Variants in SPATA21 observed in about 807,000 individuals in gnomAD.
The protein encoded by SPATA21 is spermatogenesis-associated protein 21.
SPATA21 carries 47 observed loss-of-function variants against 54.8 expected under a neutral mutation model. The observed-to-expected ratio is 0.86, with a 90% CI of 0.68 to 1.09. SPATA21 has a LOEUF of 1.09. Among genes scored for constraint, SPATA21 ranks in the 50% least tolerant of loss-of-function variants. SPATA21 has a pLI of 0.00. For synonymous variants in SPATA21, 245 were observed against 235.3 expected, an observed-to-expected ratio of 1.04 and a Z score of -0.38; for missense variants, 599 against 596.4, an observed-to-expected ratio of 1.00 and a Z score of -0.05.
chr1:16,429,477 T>C (rs2086403945), intron 3 of SPATA21, among the ~76,000 whole-genome samples: 1 of 151,838 alleles, frequency 6.6e-6, no homozygotes, highest in Non-Finnish European at 1.5e-5. Context: ...TTTGTTTGTT[T>C]GTTTATTTAT....
At chr1:16,424,266 T>C (rs2086259845) in intron 3 of SPATA21, among the ~76,000 whole-genome samples, 1 of 124,666 alleles carries the variant, frequency 8.0e-6, no homozygotes. Context: ...TGAGCCGAGA[T>C]TGCGCCACTG....
intron 3 of SPATA21, among the ~76,000 whole-genome samples, chr1:16,429,524 G>A (rs1371730052): frequency 2.0e-5 from 3 of 151,950 alleles, no homozygotes; most frequent in Non-Finnish European, 2.9e-5. Flanking sequence ...GCCCAGGCTG[G>A]AGTGCAATGG....
chr1:16,428,617 C>T lies in SPATA21; in HGVS notation c.34+2721G>A, dbSNP rs12024650. Among the ~76,000 whole-genome samples the T allele has an allele frequency of 6.6e-6, 1 of 151,822 alleles. No homozygotes were observed. Among genetic ancestry groups the T allele is most frequent in the East Asian group, 1.9e-4 (1 of 5,150 alleles). ...TCTCGAACTTCTGACCTCAAGTGAT[C>T]CGTCTGCCTCAGCCTCCCAAAGTGC... is the stretch of plus-strand genomic sequence containing the variant. On this transcript the variant is annotated intron_variant, in intron 3 of 12. Coordinates refer to ENST00000335496, the MANE Select transcript of SPATA21 (RefSeq NM_198546.1). The surrounding 1 kb of genome is among the most constrained non-coding windows in gnomAD (Gnocchi z 4.3).
In SPATA21 at chr1:16,415,477, C is replaced by T. The variant is rs77268970; in HGVS notation, c.145-5434G>A. Among the ~76,000 whole-genome samples the T allele has an allele frequency of 9.5e-3, 1,444 of 152,292 alleles. 16 individuals are homozygous for T. The highest frequency in any genetic ancestry group is 0.033 in the African/African-American group (1,385 of 41,572). ...TGGGGACTACAGGGCTTCCAAAGTCCGGGGCCTCTGCCCCTGTTGCAGATA... is the reference window on the plus strand; with the variant it reads ...TGGGGACTACAGGGCTTCCAAAGTCTGGGGCCTCTGCCCCTGTTGCAGATA... On this transcript the variant is annotated intron_variant, in intron 5 of 12. Coordinates refer to ENST00000335496, the MANE Select transcript of SPATA21 (RefSeq NM_198546.1).
At chr1:16,405,848 G>C (rs2085624375) in intron 7 of SPATA21, among the ~76,000 whole-genome samples, 1 of 152,194 alleles carries the variant, frequency 6.6e-6, no homozygotes, top group South Asian at 2.1e-4. Context: ...TCTAGGGACA[G>C]ACTTAGTCAG....
chr1:16,435,616 C>T (rs530266492), intron 1 of SPATA21, among the ~76,000 whole-genome samples: 3 of 150,228 alleles, frequency 2.0e-5, no homozygotes, highest in Non-Finnish European at 4.5e-5. Flanking sequence ...CATGCCCGGC[C>T]CCCCCCTTTT....
chr1:16,431,287 T>C (rs1427383650), intron 3 of SPATA21, 51 bp downstream of exon 3: 2 of 1,614,026 alleles, frequency 1.2e-6, no homozygotes, highest in Non-Finnish European at 1.7e-6. Context: ...GCCCTCTTTA[T>C]GGTGATCCTC....
intron 5 of SPATA21, among the ~76,000 whole-genome samples, chr1:16,414,252 A>G (rs925546890): frequency 6.6e-6 from 1 of 151,892 alleles, no homozygotes; most frequent in African/African-American, 2.4e-5. Flanking sequence ...TATTTTTAGT[A>G]GAGACAGGGT....
At chr1:16,399,642 A>G (rs2085382687) in intron 11 of SPATA21, 121 bp from the exon 12 acceptor site, 4 of 1,115,222 alleles carry the variant, frequency 3.6e-6, no homozygotes, top group South Asian at 1.6e-5. Flanking sequence ...GGGGCAAGTC[A>G]CTTAACCTCT....
Position 16,404,996 on chromosome 1 carries a change from T to A in SPATA21, c.782A>T (p.Glu261Val). The A allele has an allele frequency of 4.4e-6, 7 of 1,605,954 alleles. No homozygotes were observed. Among genetic ancestry groups the A allele is most frequent in the Non-Finnish European group, 5.9e-6 (7 of 1,177,734 alleles). ...GACATCAGCACTCATCAGGGCGTCC[T>A]CCACCTGGGCCAGCGTCACAGAGAA... is the stretch of plus-strand genomic sequence containing the variant. ...MGFSVTLAQV[E>V]DALMSADVNG... The change falls in exon 8 of 13, where the codon GAG becomes GTG. Residue 261 changes from glutamate to valine, a missense_variant. Glu to Val is a moderately radical substitution (Grantham distance 121). Coordinates refer to ENST00000335496, the MANE Select transcript of SPATA21 (RefSeq NM_198546.1).
chr1:16,436,270 C>T (rs61769443), intron 1 of SPATA21, among the ~76,000 whole-genome samples: 1 of 151,698 alleles, frequency 6.6e-6, no homozygotes, highest in South Asian at 2.1e-4. Context: ...CCTGTAATCC[C>T]AGCTAGTCAG....
At position 16,405,096 on chromosome 1, in the gene SPATA21, T is replaced by C. The variant is rs147333700; in HGVS notation, c.682A>G (p.Ser228Gly). ...LTLKQEEAFR[S>G]YFEIFNGPGE... ...GGACCATTGAAGATCTCAAAGTAGC[T>C]GCGGAAGGCTGTGGGGAGGGCAGGG... Residue 228 changes from serine to glycine, a missense_variant, in exon 8 of 13, where the codon AGC (serine) becomes GGC (glycine). By Grantham distance (56) the Ser-to-Gly change is moderately conservative. Transcript: ENST00000335496. 38 of 1,609,192 alleles carry C rather than the reference T, an allele frequency of 2.4e-5. No individual in the cohort carries two copies. In the African/African-American group the frequency reaches 4.1e-4, roughly 18 times the overall value.
Position 16,412,128 on chromosome 1 carries a change from G to C in SPATA21, c.145-2085C>G, listed in dbSNP as rs142106061. ...CTCCGGTGCTGGCTCCCCCTCACTTGTGCTCCATTTCTCAGTGTTGCAGAG... is the reference window on the plus strand; with the variant it reads ...CTCCGGTGCTGGCTCCCCCTCACTTCTGCTCCATTTCTCAGTGTTGCAGAG... On this transcript the variant is annotated intron_variant, in intron 5 of 12. Transcript: ENST00000335496. Among the ~76,000 whole-genome samples, 84 of 152,158 alleles carry C rather than the reference G, an allele frequency of 5.5e-4. 1 individual carries two copies. The East Asian group carries it at 0.016, about 28-fold the overall frequency.
rs990708393 is a variant in SPATA21, at chr1:16,409,300, G to C, written c.588-97C>G. On this transcript the variant is annotated intron_variant, in intron 6 of 12. Transcript: ENST00000335496. The surrounding 1 kb of genome is among the most constrained non-coding windows in gnomAD (Gnocchi z 4.1). Reference sequence around the variant, plus strand: ...GGGGGAGCCTGCAGGAGGAGGTCGTGGGGGAGGCTTTGGGGAGCCCGGAGA... The same window carrying C: ...GGGGGAGCCTGCAGGAGGAGGTCGTCGGGGAGGCTTTGGGGAGCCCGGAGA... 5.1e-6 allele frequency: 7 copies of C among 1,368,310 alleles called. No individual in the cohort carries two copies. Among genetic ancestry groups the C allele is most frequent in the East Asian group, 2.4e-5 (1 of 42,108 alleles). The allele number at this position is 1,368,310 out of a possible 1,614,324, so 84.8% of individuals were successfully genotyped here.
chr1:16,398,615 G>T, downstream of SPATA21: 1 of 809,012 alleles, frequency 1.2e-6, no homozygotes, highest in Non-Finnish European at 2.0e-6. Context: ...ACAACTTGAG[G>T]GCCTTTCTTG....
intron 3 of SPATA21, among the ~76,000 whole-genome samples, chr1:16,424,279 C>T (rs1216421600): frequency 7.9e-6 from 1 of 126,328 alleles, no homozygotes; most frequent in Non-Finnish European, 1.6e-5. Context: ...CGCCACTGCA[C>T]TCCAGCCTGG....
intron 1 of SPATA21, among the ~76,000 whole-genome samples, chr1:16,435,728 A>G (rs1206703709): frequency 6.6e-6 from 1 of 150,524 alleles, no homozygotes; most frequent in Non-Finnish European, 1.5e-5. Flanking sequence ...TGATCCTCCC[A>G]TTTCAGCCTC....
chr1:16,427,672 C>T (rs1008443225), intron 3 of SPATA21, among the ~76,000 whole-genome samples: 27 of 151,970 alleles, frequency 1.8e-4, no homozygotes, highest in African/African-American at 5.8e-4. Flanking sequence ...TTTGTGGTCT[C>T]GTTGGGGGAG....
At chr1:16,426,947 G>A (rs1012551379) in intron 3 of SPATA21, among the ~76,000 whole-genome samples, 1 of 151,966 alleles carries the variant, frequency 6.6e-6, no homozygotes, top group African/African-American at 2.4e-5. Flanking sequence ...TCAGAAACAT[G>A]CTTTATATGT....
Sources: allele counts gnomAD v4.1 joint callset (sites outside exome capture counted in the v4.1 genomes callset), GRCh38; gene constraint gnomAD v4.1.1; non-coding constraint Gnocchi (gnomAD v3.1); transcripts MANE v1.5; gene names NCBI Gene and HGNC (gene_info 2026-07-23, HGNC 2026-07-21).